AP3B1: variants seen among roughly 807,000 people sequenced by gnomAD.
AP3B1 encodes AP-3 complex subunit beta-1.
Under a neutral mutation model 132.5 loss-of-function variants are expected in AP3B1, and 61 were observed. The observed-to-expected ratio is 0.46, with a 90% CI of 0.37 to 0.57. The LOEUF is 0.57. Ranked by LOEUF, AP3B1 falls within the 20% of genes least tolerant of loss-of-function variation. The pLI, the probability that AP3B1 is intolerant of heterozygous loss-of-function variation, is 0.00. For missense variants in AP3B1, 1,120 were observed against 1,289.4 expected, an observed-to-expected ratio of 0.87 and a Z score of 2.01; for synonymous variants, 388 against 438.3, an observed-to-expected ratio of 0.89 and a Z score of 1.43.
chr5:78,061,271 A>AT (rs61669489), intron 22 of AP3B1, among the ~76,000 whole-genome samples: 14,419 of 152,184 alleles, frequency 0.095, 2,210 homozygotes, highest in African/African-American at 0.32. Flanking sequence ...AGAAAACCAG[A>AT]TAAAAAAAAG....
At chr5:78,190,747 T>C (rs775771271) in intron 7 of AP3B1, among the ~76,000 whole-genome samples, 3 of 152,226 alleles carry the variant, frequency 2.0e-5, no homozygotes, top group Non-Finnish European at 4.4e-5. Context: ...TACAAGCACT[T>C]AGTGCCTGAT....
intron 17 of AP3B1, among the ~76,000 whole-genome samples, chr5:78,119,840 C>G (rs190788185): frequency 6.6e-6 from 1 of 152,224 alleles, no homozygotes; most frequent in African/African-American, 2.4e-5. Context: ...ATACAGAGAA[C>G]GCCACAAAGA....
chr5:78,190,812 C>CT (rs1744795616), intron 7 of AP3B1, among the ~76,000 whole-genome samples: 5 of 152,312 alleles, frequency 3.3e-5, no homozygotes, highest in African/African-American at 1.2e-4. Context: ...TATTAAGAAA[C>CT]TTTCTTTCTA....
At chr5:78,018,700 A>ACACC (rs1037050101) in intron 25 of AP3B1, among the ~76,000 whole-genome samples, 44 of 148,724 alleles carry the variant, frequency 3.0e-4, no homozygotes, top group African/African-American at 9.5e-4. Flanking sequence ...ACACACACAC[A>ACACC]CCCCTTAAAT....
chr5:78,143,649 A>G (rs1268013554), intron 14 of AP3B1, among the ~76,000 whole-genome samples: 1 of 152,140 alleles, frequency 6.6e-6, no homozygotes, highest in Non-Finnish European at 1.5e-5. Context: ...TACACCATTG[A>G]CACTATGAAT....
Position 78,002,739 on chromosome 5 carries a change from GA to G in AP3B1, c.*162del. 1 of 825,320 alleles carries G rather than the reference GA, an allele frequency of 1.2e-6. No individual in the cohort carries two copies. The highest frequency in any genetic ancestry group is 1.4e-5 in the South Asian group (1 of 69,312). 51.1% of individuals were successfully genotyped at this position (825,320 alleles called of 1,614,324 possible). A position where few individuals can be genotyped will look rare whatever the true frequency, so the allele number is the denominator to read the frequency against. On this transcript the variant is annotated 3_prime_UTR_variant, in exon 27 of 27. Coordinates refer to ENST00000255194, the MANE Select transcript of AP3B1 (RefSeq NM_003664.5). ...AAAAGGGGGAAAGTATTGCATACAT[GA>G]TAGATACACACTAGCATTCTAAAGC...
chr5:78,172,451 C>T (rs1334908386), intron 11 of AP3B1, among the ~76,000 whole-genome samples: 1 of 152,086 alleles, frequency 6.6e-6, no homozygotes, highest in Non-Finnish European at 1.5e-5. Context: ...ACTTCTTCCT[C>T]GTTTAGTCTT....
At chr5:78,120,759 C>A (rs530513163) in intron 17 of AP3B1, among the ~76,000 whole-genome samples, 130 of 152,256 alleles carry the variant, frequency 8.5e-4, no homozygotes, top group Middle Eastern at 6.8e-3. Flanking sequence ...CTTTAACACC[C>A]TACTGTCAAC....
At chr5:78,089,998 T>C (rs889626833) in intron 21 of AP3B1, among the ~76,000 whole-genome samples, 1 of 152,202 alleles carries the variant, frequency 6.6e-6, no homozygotes, top group Admixed American at 6.5e-5. Context: ...ATAGAAATGT[T>C]TGACTGATTC....
At chr5:78,172,458 T>A (rs1743959190) in intron 11 of AP3B1, among the ~76,000 whole-genome samples, 1 of 152,242 alleles carries the variant, frequency 6.6e-6, no homozygotes, top group South Asian at 2.1e-4. Context: ...CCTCGTTTAG[T>A]CTTGGGAGTG....
intron 3 of AP3B1, among the ~76,000 whole-genome samples, chr5:78,229,574 AC>A (rs1179631591): frequency 8.9e-4 from 126 of 142,270 alleles, no homozygotes; most frequent in African/African-American, 3.3e-3. Context: ...TTCTAGTAAA[AC>A]AAAAAAAAAA....
In AP3B1 at chr5:78,125,045, G is replaced by GGAAAA. The variant is rs545381700; in HGVS notation, c.1968+2980_1968+2984dup. Among the ~76,000 whole-genome samples, 255 of 151,768 alleles carry GGAAAA rather than the reference G, an allele frequency of 1.7e-3. 1 individual carries two copies. The highest frequency in any genetic ancestry group is 5.7e-3 in the African/African-American group (236 of 41,390). Reference sequence around the variant, plus strand: ...TCATTGTAAGGAAAAGGAATAATAGGGAAAAGAAAAGAAAAGAAAAGAAGA... The same window carrying GGAAAA: ...TCATTGTAAGGAAAAGGAATAATAGGGAAAAGAAAAGAAAAGAAAAGAAAAGAAGA... On this transcript the variant is annotated intron_variant, in intron 17 of 26. Transcript: ENST00000255194.
At position 78,250,465 on chromosome 5, in the gene AP3B1, G is replaced by A. The variant is rs996444108; in HGVS notation, c.205-9529C>T. Among the ~76,000 whole-genome samples the A allele has an allele frequency of 5.3e-5, 8 of 151,944 alleles. No individual in the cohort carries two copies. In the South Asian group the frequency reaches 6.2e-4, roughly 12 times the overall value. On this transcript the variant is annotated intron_variant, in intron 2 of 26. Transcript: ENST00000255194. ...CTTCTAATACTTAATTTATTAATAC[G>A]AATACTACTCTCTTCAACCCACAAT...
At chr5:78,265,651 T>C (rs933217749) in intron 2 of AP3B1, among the ~76,000 whole-genome samples, 1 of 152,196 alleles carries the variant, frequency 6.6e-6, no homozygotes, top group African/African-American at 2.4e-5. Flanking sequence ...CTAGAGTTCC[T>C]TTAATGAATG....
chr5:78,285,348 C>G (rs1749230927), intron 1 of AP3B1, among the ~76,000 whole-genome samples: 1 of 152,104 alleles, frequency 6.6e-6, no homozygotes, highest in South Asian at 2.1e-4. Flanking sequence ...AACTGCTTGT[C>G]ACGGTCACCA....
chr5:78,239,962 T>C (rs569360266), intron 3 of AP3B1, among the ~76,000 whole-genome samples: 6 of 152,206 alleles, frequency 3.9e-5, no homozygotes, highest in African/African-American at 1.2e-4. Flanking sequence ...TCACGCAAAA[T>C]AGAAAAAACT....
At chr5:78,076,220 G>C (rs1206445112) in intron 22 of AP3B1, among the ~76,000 whole-genome samples, 4 of 152,170 alleles carry the variant, frequency 2.6e-5, no homozygotes, top group Non-Finnish European at 5.9e-5. Context: ...TACATACTTT[G>C]AGGCAATTTT....
At chr5:78,241,840 T>C (rs948211094) in intron 2 of AP3B1, among the ~76,000 whole-genome samples, 2 of 152,224 alleles carry the variant, frequency 1.3e-5, no homozygotes, top group African/African-American at 4.8e-5. Flanking sequence ...GCATTCATGA[T>C]AAAATGACAT....
intron 6 of AP3B1, among the ~76,000 whole-genome samples, chr5:78,223,280 T>C (rs1038118532): frequency 1.3e-5 from 2 of 152,010 alleles, no homozygotes; most frequent in African/African-American, 2.4e-5. Flanking sequence ...TTTTTTACTA[T>C]AGACAGAAAA....
Sources: allele counts gnomAD v4.1 joint callset (sites outside exome capture counted in the v4.1 genomes callset), GRCh38; gene constraint gnomAD v4.1.1; transcripts MANE v1.5; gene names NCBI Gene and HGNC (gene_info 2026-07-23, HGNC 2026-07-21).